Variants in CDKN2A observed in about 807,000 individuals in gnomAD.
CDKN2A encodes the protein cyclin dependent kinase inhibitor 2A, also known as cyclin-dependent kinase inhibitor 2A.
CDKN2A carries 3 observed loss-of-function variants against 11.1 expected under a neutral mutation model. The observed-to-expected ratio is 0.27, with a 90% CI of 0.12 to 0.70. The LOEUF is 0.70. Ranked by LOEUF, CDKN2A falls within the 30% of genes least tolerant of loss-of-function variation. The probability of loss-of-function intolerance (pLI) is 0.77; values close to 1 mark genes in which losing one functional copy is unlikely to be tolerated. For missense variants in CDKN2A, 265 were observed against 233.6 expected, an observed-to-expected ratio of 1.13 and a Z score of -0.88; for synonymous variants, 122 against 108.1, an observed-to-expected ratio of 1.13 and a Z score of -0.80.
At chr9:21,971,647 T>C (rs751101743) in intron 1 of CDKN2A, among the ~76,000 whole-genome samples, 1 of 147,852 alleles carries the variant, frequency 6.8e-6, no homozygotes, top group East Asian at 2.0e-4. Context: ...AAGAGAAAAC[T>C]TGTTTGTTTG....
At position 21,968,697 on chromosome 9, in the gene CDKN2A, C is replaced by A. The variant is rs995334851; in HGVS notation, c.458-455G>T. The A allele has an allele frequency of 1.1e-5, 17 of 1,535,966 alleles. No individual in the cohort carries two copies. Among genetic ancestry groups the A allele is most frequent in the Non-Finnish European group, 1.2e-5 (14 of 1,146,856 alleles). ...AACCAAAGGGCGCCTCAGGCTCTGG[C>A]GCTCCTCGGCGGAATCCCGTAGCTT... On this transcript the variant is annotated intron_variant, in intron 2 of 2. Coordinates refer to ENST00000304494, the MANE Select transcript of CDKN2A (RefSeq NM_000077.5). This position sits in a 1 kb window ranked among gnomAD's most constrained non-coding sequence, Gnocchi z 4.7.
chr9:21,994,510 A>AC (rs1820549903), intron 1 of CDKN2A: 1 of 1,081,506 alleles, frequency 9.2e-7, no homozygotes, highest in Non-Finnish European at 1.2e-6. Context: ...CCCCACCTTC[A>AC]CCCCCACCCC....
upstream of CDKN2A, chr9:21,975,063 G>A (rs969100177): frequency 7.5e-6 from 10 of 1,334,648 alleles, no homozygotes; most frequent in Admixed American, 3.1e-4. Context: ...CGAGCACTTA[G>A]CGAATGTGGC....
At chr9:21,987,511 A>T (rs1660768315) in intron 2 of CDKN2A, among the ~76,000 whole-genome samples, 1 of 151,740 alleles carries the variant, frequency 6.6e-6, no homozygotes, top group South Asian at 2.1e-4. Flanking sequence ...TAAAAAGACA[A>T]CGTATCTTAT....
At position 21,981,310 on chromosome 9, in the gene CDKN2A, T is replaced by C. The variant is rs191886663; in HGVS notation, c.-3-10102A>G. ...GGAAGACTGGGGTGATGCATTCTGA[T>C]AAATGACACCTCACACTTGTGTTAC... is the stretch of plus-strand genomic sequence containing the variant. On this transcript the variant is annotated intron_variant, in intron 2 of 3. Coordinates refer to the CDKN2A transcript ENST00000494262. Among the ~76,000 whole-genome samples, 6 of 150,746 alleles carry C rather than the reference T, an allele frequency of 4.0e-5. No homozygotes were observed. The East Asian group carries it at 1.2e-3, about 30-fold the overall frequency.
At chr9:21,976,210 C>G (rs1459705773), upstream of CDKN2A, among the ~76,000 whole-genome samples, 1 of 151,872 alleles carries the variant, frequency 6.6e-6, no homozygotes, top group Non-Finnish European at 1.5e-5. Flanking sequence ...GACACCCCGT[C>G]TCTACTAAAA....
intron 2 of CDKN2A, among the ~76,000 whole-genome samples, chr9:21,983,626 T>C (rs1820243312): frequency 6.6e-6 from 1 of 152,076 alleles, no homozygotes; most frequent in African/African-American, 2.4e-5. Context: ...ACCATTTTGA[T>C]TTATAGATAA....
In CDKN2A at chr9:21,991,623, G is replaced by T. The variant is rs1458350786; in HGVS notation, c.-4+2259C>A. 18 of 980,412 alleles carry T rather than the reference G, an allele frequency of 1.8e-5. No homozygotes were observed. The highest frequency in any genetic ancestry group is 2.2e-5 in the Non-Finnish European group (18 of 825,452). The allele number at this position is 980,412 out of a possible 1,614,324, so 60.7% of individuals were successfully genotyped here. ...GGAGTTTTTCATATGTTGGGAAAAT[G>T]GTTTAGCTTAACTCTATCATGGTAG... is the stretch of plus-strand genomic sequence containing the variant. On this transcript the variant is annotated intron_variant, in intron 2 of 3. Coordinates refer to the CDKN2A transcript ENST00000494262. This position sits in a 1 kb window ranked among gnomAD's most constrained non-coding sequence, Gnocchi z 5.2.
intron 1 of CDKN2A, chr9:21,994,441 C>A: frequency 1.9e-6 from 3 of 1,567,198 alleles, no homozygotes; most frequent in South Asian, 1.2e-5. Context: ...ACCCACGCAC[C>A]GCCCCCTGCC....
intron 2 of CDKN2A, among the ~76,000 whole-genome samples, chr9:21,984,561 T>A (rs1820262142): frequency 6.6e-6 from 1 of 152,082 alleles, no homozygotes; most frequent in African/African-American, 2.4e-5. Context: ...GCATATATAA[T>A]ATCTCATTTC....
chr9:21,982,215 A>G (rs766147810), intron 2 of CDKN2A, among the ~76,000 whole-genome samples: 1 of 152,200 alleles, frequency 6.6e-6, no homozygotes, highest in African/African-American at 2.4e-5. Flanking sequence ...TAGTTAAGTC[A>G]CAATTTTCAA....
At chr9:21,969,138 A>G (rs1287856974) in intron 2 of CDKN2A, among the ~76,000 whole-genome samples, 1 of 152,228 alleles carries the variant, frequency 6.6e-6, no homozygotes, top group African/African-American at 2.4e-5. Context: ...CGGGCAAGAT[A>G]GCTTGGGACT....
intron 2 of CDKN2A, among the ~76,000 whole-genome samples, chr9:21,990,237 G>T (rs933841960): frequency 2.0e-5 from 3 of 152,148 alleles, no homozygotes; most frequent in Non-Finnish European, 2.9e-5. Flanking sequence ...AGGCACCTTG[G>T]AAACAGGTAT....
intron 2 of CDKN2A, among the ~76,000 whole-genome samples, chr9:21,987,805 A>C (rs1434833509): frequency 6.6e-6 from 1 of 152,198 alleles, no homozygotes; most frequent in Non-Finnish European, 1.5e-5. Context: ...AAAGATAAAG[A>C]AGCAGAAATA....
chr9:21,976,679 T>C (rs554946119), upstream of CDKN2A, among the ~76,000 whole-genome samples: 1 of 151,286 alleles, frequency 6.6e-6, no homozygotes, highest in East Asian at 2.0e-4. Context: ...GATCGCGCCA[T>C]TGCACTCCAG....
chr9:21,968,441 G>C lies in CDKN2A; in HGVS notation c.458-199C>G. On this transcript the variant is annotated intron_variant, in intron 2 of 2. Transcript: ENST00000304494. This position sits in a 1 kb window ranked among gnomAD's most constrained non-coding sequence, Gnocchi z 4.7. ...CCAGCAGCTAGTCCACTGCCCGCCTGGCTGCTCCAGGCGCGCCGACCGCTC... is the reference window on the plus strand; with the variant it reads ...CCAGCAGCTAGTCCACTGCCCGCCTCGCTGCTCCAGGCGCGCCGACCGCTC... 1 of 1,494,494 alleles carries C rather than the reference G, an allele frequency of 6.7e-7. No homozygotes were observed. Among genetic ancestry groups the C allele is most frequent in the South Asian group, 1.3e-5 (1 of 75,988 alleles). 92.6% of individuals were successfully genotyped at this position (1,494,494 alleles called of 1,614,324 possible).
intron 2 of CDKN2A, chr9:21,989,293 C>T (rs1820368646): frequency 6.6e-6 from 1 of 152,170 alleles, no homozygotes. Context: ...TATTAATTCC[C>T]AAGGTTTTCT....
chr9:21,985,632 C>T (rs912760131), intron 2 of CDKN2A, among the ~76,000 whole-genome samples: 2 of 151,802 alleles, frequency 1.3e-5, no homozygotes, highest in African/African-American at 4.8e-5. Flanking sequence ...ACTTTTTTTC[C>T]AGTTTTCTAA....
chr9:21,990,776 C>G (rs1399127072), intron 2 of CDKN2A, among the ~76,000 whole-genome samples: 1 of 152,212 alleles, frequency 6.6e-6, no homozygotes, highest in Admixed American at 6.5e-5. Context: ...TAATTTAACA[C>G]TTTATTGCTA....
Sources: allele counts gnomAD v4.1 joint callset (sites outside exome capture counted in the v4.1 genomes callset), GRCh38; gene constraint gnomAD v4.1.1; non-coding constraint Gnocchi (gnomAD v3.1); transcripts MANE v1.5; gene names NCBI Gene and HGNC (gene_info 2026-07-23, HGNC 2026-07-21).